Variants in MYLK observed in about 807,000 individuals in gnomAD.
The protein encoded by MYLK is myosin light chain kinase, smooth muscle.
In MYLK, 106 loss-of-function variants were observed where a neutral mutation model predicts 203.4. That is an observed-to-expected ratio of 0.52 (90% CI 0.45 to 0.61). The LOEUF is 0.61. Ranked by LOEUF, MYLK falls within the 20% of genes least tolerant of loss-of-function variation. The pLI is 0.00. For missense variants in MYLK, 2,072 were observed against 2,442.3 expected (o/e 0.85, Z 3.20); for synonymous variants, 867 against 959.5 (o/e 0.90, Z 1.78).
rs911333634 is a variant in MYLK, at chr3:123,620,121, G to C, written c.5368+86C>G. On this transcript the variant is annotated intron_variant, in intron 32 of 33. Transcript: ENST00000360304. The stretch of plus-strand genomic sequence containing the variant: ...GGGAATATTAAAATAAAAAAAAAAA[G>C]AACAAAACCAACCAAAACCTCAAAA... 20 of 1,144,316 alleles carry C rather than the reference G, an allele frequency of 1.7e-5. No individual in the cohort carries two copies. The African/African-American group carries it at 2.8e-4, about 16-fold the overall frequency. The allele number at this position is 1,144,316 out of a possible 1,614,324, so 70.9% of individuals were successfully genotyped here. A position where few individuals can be genotyped will look rare whatever the true frequency, so the allele number is the denominator to read the frequency against.
chr3:123,620,010 A>G (rs530708599), intron 32 of MYLK, among the ~76,000 whole-genome samples, 197 bp downstream of exon 32: 1 of 152,300 alleles, frequency 6.6e-6, no homozygotes, highest in East Asian at 1.9e-4. Context: ...GAAAATGGTT[A>G]AGCTTAAAGT....
intron 27 of MYLK, among the ~76,000 whole-genome samples, chr3:123,641,441 T>C (rs79522909): frequency 7.2e-6 from 1 of 139,652 alleles, no homozygotes; most frequent in Non-Finnish European, 1.5e-5. Context: ...TCTTCTTCAA[T>C]TTTTTTTTTT....
intron 3 of MYLK, among the ~76,000 whole-genome samples, chr3:123,826,390 A>C (rs2066119087): frequency 6.6e-6 from 1 of 152,204 alleles, no homozygotes; most frequent in African/African-American, 2.4e-5. Context: ...ATGTCCTGAG[A>C]TGAAGAAAGA....
Position 123,638,116 on chromosome 3 carries a change from C to T in MYLK, c.4916G>A (p.Gly1639Asp), listed in dbSNP as rs752526557. The change falls in exon 29 of 34, where the codon GGC becomes GAC. Residue 1639 changes from glycine to aspartate, a missense_variant. Gly to Asp is a moderately conservative substitution (Grantham distance 94, BLOSUM62 -1). Around this residue, in one of 3 missense-constraint regions of MYLK, gnomAD observed 524 missense variants for 782.4 expected, o/e 0.67. Coordinates refer to ENST00000360304, the MANE Select transcript of MYLK (RefSeq NM_053025.4). The stretch of plus-strand genomic sequence containing the variant: ...GATGCTCCACATGTCTGTGGCGTAG[C>T]CGATGGGCTCATAGTTGATCACTTC... ...APEVINYEPI[G>D]YATDMWSIGV... 1 of 1,614,136 alleles carries T rather than the reference C, an allele frequency of 6.2e-7. No individual in the cohort carries two copies. The highest frequency in any genetic ancestry group is 8.5e-7 in the Non-Finnish European group (1 of 1,180,024).
At chr3:123,761,374 T>C (rs888366180) in intron 4 of MYLK, among the ~76,000 whole-genome samples, 4 of 152,174 alleles carry the variant, frequency 2.6e-5, no homozygotes, top group African/African-American at 7.2e-5. Context: ...CTGCTCCACG[T>C]TGGGTCAGAA....
chr3:123,640,684 G>A lies in MYLK; in HGVS notation c.4620-180C>T, dbSNP rs913702155. On this transcript the variant is annotated intron_variant, in intron 27 of 33. Transcript: ENST00000360304. This position sits in a 1 kb window ranked among gnomAD's most constrained non-coding sequence, Gnocchi z 4.3. ...ATGGGAGAAGGGTCAGGGCCTCCTG[G>A]TTTCCCATCAGGGAACCCTGCCCTG... 1.3e-5 allele frequency among the ~76,000 whole-genome samples: 2 copies of A among 152,150 alleles called. No individual in the cohort carries two copies. The highest frequency in any genetic ancestry group is 6.5e-5 in the Admixed American group (1 of 15,286).
At chr3:123,807,753 T>C (rs746032706) in intron 3 of MYLK, among the ~76,000 whole-genome samples, 1 of 152,180 alleles carries the variant, frequency 6.6e-6, no homozygotes, top group African/African-American at 2.4e-5. Context: ...TAGTTAGAGA[T>C]TGTTCCCATT....
chr3:123,762,906 T>A (rs933340947), intron 4 of MYLK, among the ~76,000 whole-genome samples: 3 of 152,236 alleles, frequency 2.0e-5, no homozygotes, highest in Non-Finnish European at 4.4e-5. Flanking sequence ...TATAAATTAC[T>A]CGGTCTGTGG....
In MYLK at chr3:123,703,674, G is replaced by A. The variant is rs189080836; in HGVS notation, c.2391-2165C>T. On this transcript the variant is annotated intron_variant, in intron 16 of 33. Transcript: ENST00000360304. ...AGGCTTATGGACTTTGGGTGAGCTT[G>A]TAGAATAACTGTGTGAGGTCACCCT... 4.1e-5 allele frequency among the ~76,000 whole-genome samples: 6 copies of A among 146,990 alleles called. No homozygotes were observed. The East Asian group carries it at 1.6e-3, about 39-fold the overall frequency.
chr3:123,851,177 G>C (rs1269819644), intron 2 of MYLK, among the ~76,000 whole-genome samples: 1 of 152,284 alleles, frequency 6.6e-6, no homozygotes, highest in Non-Finnish European at 1.5e-5. Context: ...GTCAGGTAGC[G>C]TGATGCCTCC....
chr3:123,769,988 A>G (rs1400453455), intron 4 of MYLK, among the ~76,000 whole-genome samples: 1 of 152,154 alleles, frequency 6.6e-6, no homozygotes, highest in Non-Finnish European at 1.5e-5. Context: ...GGGAGTATAC[A>G]TATTGGCTGA....
intron 23 of MYLK, among the ~76,000 whole-genome samples, chr3:123,659,378 T>TACCCAA: frequency 6.6e-6 from 1 of 152,226 alleles, no homozygotes; most frequent in Non-Finnish European, 1.5e-5. Context: ...TACCCTACCC[T>TACCCAA]GTTACACATG....
At chr3:123,847,203 T>C (rs1446004771) in intron 2 of MYLK, among the ~76,000 whole-genome samples, 1 of 152,160 alleles carries the variant, frequency 6.6e-6, no homozygotes, top group East Asian at 1.9e-4. Flanking sequence ...TACAGCAGGA[T>C]ACATGTAGAC....
intron 3 of MYLK, 184 bp from the exon 4 acceptor site, chr3:123,794,028 G>T: frequency 1.4e-6 from 1 of 692,360 alleles, no homozygotes; most frequent in Non-Finnish European, 2.5e-6. Flanking sequence ...TACACAAAGT[G>T]CCAGGACAAG....
intron 27 of MYLK, 146 bp downstream of exon 27, chr3:123,647,078 C>T: frequency 3.9e-6 from 3 of 765,462 alleles, no homozygotes; most frequent in Non-Finnish European, 6.7e-6. Context: ...TCAGGCCTGG[C>T]TGTATGGCTG....
At chr3:123,710,459 T>C (rs547860425) in intron 13 of MYLK, among the ~76,000 whole-genome samples, 1 of 152,248 alleles carries the variant, frequency 6.6e-6, no homozygotes, top group Non-Finnish European at 1.5e-5. Context: ...AAGAGCTTCT[T>C]TGTCATTTTC....
Position 123,629,941 on chromosome 3 carries a change from A to C in MYLK, c.4962-315T>G. 1 of 361,154 alleles carries C rather than the reference A, an allele frequency of 2.8e-6. No homozygotes were observed. The highest frequency in any genetic ancestry group is 5.3e-6 in the Non-Finnish European group (1 of 190,346). The allele number at this position is 361,154 out of a possible 1,614,324, so 22.4% of individuals were successfully genotyped here. A position where few individuals can be genotyped will look rare whatever the true frequency, so the allele number is the denominator to read the frequency against. The stretch of plus-strand genomic sequence containing the variant: ...AGTCCCTCTGTCCTGGTTTTCTATT[A>C]TTCCCCAAAGCCCAGGCTAGAGCCT... On this transcript the variant is annotated intron_variant, in intron 29 of 33. Coordinates refer to ENST00000360304, the MANE Select transcript of MYLK (RefSeq NM_053025.4). This position sits in a 1 kb window ranked among gnomAD's most constrained non-coding sequence, Gnocchi z 4.4.
intron 16 of MYLK, among the ~76,000 whole-genome samples, chr3:123,706,334 A>G (rs1254111951): frequency 1.3e-5 from 2 of 152,210 alleles, no homozygotes; most frequent in Non-Finnish European, 2.9e-5. Context: ...GATGGGGTAC[A>G]TATTGGGTTT....
At chr3:123,625,482 AAAAG>A (rs1384393901) in intron 31 of MYLK, among the ~76,000 whole-genome samples, 1 of 150,814 alleles carries the variant, frequency 6.6e-6, no homozygotes, top group Non-Finnish European at 1.5e-5. Context: ...AAAAAAAAAA[AAAAG>A]AAACCATGTC....
Sources: allele counts gnomAD v4.1 joint callset (sites outside exome capture counted in the v4.1 genomes callset), GRCh38; gene constraint gnomAD v4.1.1; regional missense constraint gnomAD v4.1.1; non-coding constraint Gnocchi (gnomAD v3.1); transcripts MANE v1.5; gene names NCBI Gene and HGNC (gene_info 2026-07-23, HGNC 2026-07-21).